Variants in PDE1C observed in about 807,000 individuals in gnomAD.
PDE1C encodes the protein dual specificity calcium/calmodulin-dependent 3',5'-cyclic nucleotide phosphodiesterase 1C.
PDE1C carries 62 observed loss-of-function variants against 93.1 expected under a neutral mutation model. The observed-to-expected ratio is 0.67, with a 90% confidence interval of 0.54 to 0.82. The LOEUF is 0.82. PDE1C is among the 40% of genes least tolerant of loss of function. PDE1C has a pLI of 0.00. For synonymous variants in PDE1C, 325 were observed against 310.1 expected, an observed-to-expected ratio of 1.05 and a Z score of -0.50; for missense variants, 742 against 884.6, an observed-to-expected ratio of 0.84 and a Z score of 2.04.
intron 3 of PDE1C, among the ~76,000 whole-genome samples, chr7:32,129,645 C>T (rs1799812755): frequency 6.6e-6 from 1 of 151,702 alleles, no homozygotes; most frequent in Non-Finnish European, 1.5e-5. Context: ...TTTTCAATTA[C>T]CTTGAGGTTA....
chr7:32,317,257 T>A (rs558147676), intron 1 of PDE1C, among the ~76,000 whole-genome samples: 2 of 152,314 alleles, frequency 1.3e-5, no homozygotes, highest in Admixed American at 6.5e-5. Flanking sequence ...CAACTCATGT[T>A]TTTTGGGATC....
At chr7:31,903,275 A>G (rs1300227168) in intron 2 of PDE1C, among the ~76,000 whole-genome samples, 1 of 152,012 alleles carries the variant, frequency 6.6e-6, no homozygotes, top group Non-Finnish European at 1.5e-5. Context: ...ATGCTAAACC[A>G]AATCTTGTCA....
At chr7:31,857,812 C>T (rs147045898) in intron 7 of PDE1C, among the ~76,000 whole-genome samples, 8 of 152,266 alleles carry the variant, frequency 5.3e-5, no homozygotes, top group Non-Finnish European at 1.2e-4. Flanking sequence ...AGAGATAATT[C>T]TGTTTTTAAA....
intron 16 of PDE1C, among the ~76,000 whole-genome samples, chr7:31,781,325 C>T (rs1034863796): frequency 2.0e-5 from 3 of 152,186 alleles, no homozygotes; most frequent in Non-Finnish European, 4.4e-5. Context: ...TATTAATGGT[C>T]TGGCAATAGC....
At chr7:32,222,748 T>G (rs1806967676) in intron 1 of PDE1C, among the ~76,000 whole-genome samples, 1 of 152,140 alleles carries the variant, frequency 6.6e-6, no homozygotes, top group South Asian at 2.1e-4. Context: ...TTCCCAGAGA[T>G]CTTCACACAG....
At chr7:31,993,503 A>G (rs1784383027) in intron 2 of PDE1C, among the ~76,000 whole-genome samples, 1 of 152,226 alleles carries the variant, frequency 6.6e-6, no homozygotes, top group South Asian at 2.1e-4. Context: ...GTGATCAATT[A>G]GAAAGCAAGC....
intron 3 of PDE1C, among the ~76,000 whole-genome samples, chr7:32,115,733 T>A (rs2128759800): frequency 6.6e-6 from 1 of 152,334 alleles, no homozygotes; most frequent in Non-Finnish European, 1.5e-5. Flanking sequence ...TGGGATACAA[T>A]TATAAATGTA....
Position 31,879,274 on chromosome 7 carries a change from TAGGTGCAAAGAAACC to T in PDE1C, c.243-111_243-97del, listed in dbSNP as rs567374797. ...GCTCCTCTCTGCCTCACCTGCATGT[TAGGTGCAAAGAAACC>T]AAATTAAATTGGCCACAAAAAATAC... On this transcript the variant is annotated intron_variant, in intron 3 of 17. Transcript: ENST00000396191. The T allele has an allele frequency of 3.5e-5, 42 of 1,214,844 alleles. No individual in the cohort carries two copies. The East Asian group carries it at 9.9e-4, about 29-fold the overall frequency. The allele number at this position is 1,214,844 out of a possible 1,614,324, so 75.3% of individuals were successfully genotyped here.
intron 16 of PDE1C, chr7:31,783,846 A>T (rs926153136): frequency 7.9e-5 from 12 of 152,334 alleles, no homozygotes; most frequent in African/African-American, 2.9e-4. Context: ...GTACAAATGC[A>T]AATTACAACC....
At chr7:31,670,609 G>T in the PDE1C span, among the ~76,000 whole-genome samples, 1 of 152,098 alleles carries the variant, frequency 6.6e-6, no homozygotes, top group Middle Eastern at 3.2e-3. Context: ...GGTAGCTTTA[G>T]AACTTTAAGC....
At chr7:32,348,297 C>T (rs1783891718) in intron 1 of PDE1C, among the ~76,000 whole-genome samples, 1 of 150,314 alleles carries the variant, frequency 6.7e-6, no homozygotes, top group Non-Finnish European at 1.5e-5. Flanking sequence ...TGTTAGCTTA[C>T]TCTTTACCCA....
chr7:31,783,255 T>C (rs569482972), intron 16 of PDE1C, among the ~76,000 whole-genome samples: 10 of 152,362 alleles, frequency 6.6e-5, no homozygotes, highest in African/African-American at 2.4e-4. Flanking sequence ...AGATTTCTTA[T>C]GCCTCTGATA....
At chr7:31,954,089 A>G in intron 2 of PDE1C, among the ~76,000 whole-genome samples, 1 of 152,222 alleles carries the variant, frequency 6.6e-6, no homozygotes, top group East Asian at 1.9e-4. Flanking sequence ...CCAAGTGGCT[A>G]ATGATCTACC....
At position 31,848,028 on chromosome 7, in the gene PDE1C, C is replaced by T. The variant is rs780922214; in HGVS notation, c.920G>A (p.Arg307His). 39 of 1,612,750 alleles carry T rather than the reference C, an allele frequency of 2.4e-5. No homozygotes were observed. Among genetic ancestry groups the T allele is most frequent in the Admixed American group, 1.3e-4 (8 of 59,882 alleles). Residue 307 changes from arginine (R) to histidine (H), a missense_variant, in exon 9 of 18, where the codon CGC (arginine) becomes CAC (histidine). Physicochemically the swap from Arg to His is conservative, Grantham distance 29 (BLOSUM62 0). This residue lies in a region of PDE1C where 205 missense variants were observed against 295.3 expected (regional missense o/e 0.69). Coordinates refer to ENST00000396191, the MANE Select transcript of PDE1C (RefSeq NM_001191057.4). ...LENHHLSAAY[R>H]LLQDDEEMNI... ...CATTTCCTCGTCATCTTGCAGAAGG[C>T]GATAAGCTGCACTTAAATGGTGATT...
At chr7:31,720,186 AAAAAAAAAAAAAG>A in the PDE1C span, among the ~76,000 whole-genome samples, 3 of 149,438 alleles carry the variant, frequency 2.0e-5, no homozygotes, top group Non-Finnish European at 3.0e-5. Context: ...AAAAAAAAAA[AAAAAAAAAAAAAG>A]AAGTCTAATG....
At chr7:32,123,336 A>G (rs1037852392) in intron 3 of PDE1C, among the ~76,000 whole-genome samples, 6 of 152,124 alleles carry the variant, frequency 3.9e-5, no homozygotes, top group Admixed American at 2.0e-4. Context: ...AACTAAAAGA[A>G]GAGACTTATT....
At chr7:31,643,136 T>G in the PDE1C span, 1 of 1,613,856 alleles carries the variant, frequency 6.2e-7, no homozygotes, top group South Asian at 1.1e-5. Flanking sequence ...GCTGGCAAAG[T>G]GCAAAGCCAC....
chr7:32,349,365 G>C (rs1270456030), intron 1 of PDE1C, among the ~76,000 whole-genome samples: 1 of 152,156 alleles, frequency 6.6e-6, no homozygotes, highest in African/African-American at 2.4e-5. Flanking sequence ...CTCTCACAAA[G>C]ACATAGATTA....
chr7:32,062,612 G>C (rs2128712730), intron 1 of PDE1C, among the ~76,000 whole-genome samples: 1 of 152,240 alleles, frequency 6.6e-6, no homozygotes, highest in Middle Eastern at 3.4e-3. Context: ...ACCAGGTTTG[G>C]GTCCTCTCTT....
Sources: allele counts gnomAD v4.1 joint callset (sites outside exome capture counted in the v4.1 genomes callset), GRCh38; gene constraint gnomAD v4.1.1; regional missense constraint gnomAD v4.1.1; transcripts MANE v1.5; gene names NCBI Gene and HGNC (gene_info 2026-07-23, HGNC 2026-07-21).